The following KBTBD2 variants were observed in gnomAD, a reference collection of about 807,000 sequenced individuals.
KBTBD2 encodes the protein kelch repeat and BTB domain-containing protein 2.
Under a neutral mutation model 57.1 loss-of-function variants are expected in KBTBD2, and 17 were observed. The observed-to-expected ratio is 0.30, with a 90% CI of 0.20 to 0.45. KBTBD2 has a LOEUF of 0.45. Ranked by LOEUF, KBTBD2 falls within the 20% of genes least tolerant of loss-of-function variation. The pLI is 1.00. For missense variants in KBTBD2, 515 were observed against 750.6 expected, an observed-to-expected ratio of 0.69 and a Z score of 3.67; for synonymous variants, 267 against 262.7, an observed-to-expected ratio of 1.02 and a Z score of -0.16.
At chr7:32,873,427 A>G in intron 3 of KBTBD2, among the ~76,000 whole-genome samples, 1 of 152,118 alleles carries the variant, frequency 6.6e-6, no homozygotes, top group East Asian at 1.9e-4. Context: ...AATTCAATAA[A>G]CACTGTTAAA....
At chr7:32,876,083 T>C (rs1261021083) in intron 2 of KBTBD2, among the ~76,000 whole-genome samples, 1 of 152,178 alleles carries the variant, frequency 6.6e-6, no homozygotes, top group East Asian at 1.9e-4. Context: ...TCTCTAAAAA[T>C]ATGCAGGACA....
intron 1 of KBTBD2, chr7:32,891,295 G>A (rs1784732453): frequency 6.7e-6 from 1 of 148,600 alleles, no homozygotes; most frequent in Non-Finnish European, 1.5e-5. Flanking sequence ...CTTCCCCGCG[G>A]ACCTGCCCGG....
chr7:32,876,694 A>G (rs7790260), intron 2 of KBTBD2, among the ~76,000 whole-genome samples: 148,681 of 152,242 alleles, frequency 0.98, 72,711 homozygotes, highest in East Asian at 1. Flanking sequence ...GGTGGCTCAC[A>G]CTTGTAATCC....
chr7:32,891,200 A>G (rs1314681824), intron 1 of KBTBD2: 1 of 150,978 alleles, frequency 6.6e-6, no homozygotes, highest in East Asian at 1.9e-4. Context: ...AGCCGAGGCC[A>G]AGGCGCCGCC....
intron 1 of KBTBD2, among the ~76,000 whole-genome samples, chr7:32,880,562 A>AC (rs1784421648): frequency 1.3e-5 from 2 of 151,536 alleles, no homozygotes; most frequent in African/African-American, 4.8e-5. Flanking sequence ...AAAAAAAAAA[A>AC]CATAAAATGT....
intron 1 of KBTBD2, among the ~76,000 whole-genome samples, chr7:32,888,153 T>C (rs957357099): frequency 6.6e-6 from 1 of 152,248 alleles, no homozygotes; most frequent in Admixed American, 6.5e-5. Flanking sequence ...TGGGACTTTT[T>C]TGCAAACATT....
intron 2 of KBTBD2, among the ~76,000 whole-genome samples, chr7:32,877,880 G>A (rs752091593): frequency 4.0e-5 from 6 of 151,162 alleles, no homozygotes; most frequent in African/African-American, 1.2e-4. Context: ...AGGCCGAGGC[G>A]GGTGGATCAC....
At chr7:32,885,037 C>T (rs1245519927) in intron 1 of KBTBD2, among the ~76,000 whole-genome samples, 2 of 139,676 alleles carry the variant, frequency 1.4e-5, no homozygotes, top group South Asian at 2.2e-4. Context: ...TACACACACA[C>T]AAATTTTAAT....
In KBTBD2 at chr7:32,870,821, A is replaced by G. The variant is rs1784157180; in HGVS notation, c.396T>C (p.Asn132=). 1 of 1,603,036 alleles carries G rather than the reference A, an allele frequency of 6.2e-7. No homozygotes were observed. Among genetic ancestry groups the G allele is most frequent in the African/African-American group, 1.3e-5 (1 of 74,286 alleles). The part of the protein sequence containing the change: ...EYLIKKINAE[N]CVRLLSFADL... ...CAGCAAAACTCAACAATCGTACACA[A>G]TTCTCTGCATTTATTTTTTTAATTA... The change falls in exon 4 of 4, where the codon AAT becomes AAC. Residue 132 remains asparagine (N), a synonymous_variant. Coordinates refer to ENST00000304056, the MANE Select transcript of KBTBD2 (RefSeq NM_015483.3).
intron 1 of KBTBD2, among the ~76,000 whole-genome samples, chr7:32,886,662 G>C (rs1784589385): frequency 1.3e-5 from 2 of 152,158 alleles, no homozygotes. Context: ...ACAAATTTAA[G>C]TTGGTTGTCT....
At chr7:32,881,273 C>T (rs1272835446) in intron 1 of KBTBD2, among the ~76,000 whole-genome samples, 1 of 151,392 alleles carries the variant, frequency 6.6e-6, no homozygotes, top group Non-Finnish European at 1.5e-5. Flanking sequence ...AACCAAAATT[C>T]CAGCTGAATA....
At chr7:32,889,015 A>C (rs1158915693) in intron 1 of KBTBD2, among the ~76,000 whole-genome samples, 2 of 152,192 alleles carry the variant, frequency 1.3e-5, no homozygotes, top group Non-Finnish European at 2.9e-5. Context: ...GTGACTTAAG[A>C]AAGCTGGGGA....
At position 32,874,733 on chromosome 7, in the gene KBTBD2, C is replaced by T. The variant is rs142089592; in HGVS notation, c.336+259G>A. 282 of 307,956 alleles carry T rather than the reference C, an allele frequency of 9.2e-4. 1 individual carries two copies. The highest frequency in any genetic ancestry group is 5.1e-3 in the African/African-American group (240 of 46,626). 19.1% of individuals were successfully genotyped at this position (307,956 alleles called of 1,614,324 possible). A position where few individuals can be genotyped will look rare whatever the true frequency, so the allele number is the denominator to read the frequency against. On this transcript the variant is annotated intron_variant, in intron 3 of 3. Coordinates refer to ENST00000304056, the MANE Select transcript of KBTBD2 (RefSeq NM_015483.3). Reference sequence around the variant, plus strand: ...TGTAGGCTGGACACAGTGGCTCACGCGTGTAATCCCAGCACTTTGGGAGGC... The same window carrying T: ...TGTAGGCTGGACACAGTGGCTCACGTGTGTAATCCCAGCACTTTGGGAGGC...
chr7:32,875,595 A>G (rs534414717), intron 2 of KBTBD2, among the ~76,000 whole-genome samples: 1 of 152,192 alleles, frequency 6.6e-6, no homozygotes, highest in East Asian at 1.9e-4. Flanking sequence ...AGGGAGACAG[A>G]TAAGAATAAA....
At chr7:32,885,046 ATTT>A (rs961676139) in intron 1 of KBTBD2, among the ~76,000 whole-genome samples, 1 of 142,068 alleles carries the variant, frequency 7.0e-6, no homozygotes, top group Non-Finnish European at 1.5e-5. Flanking sequence ...ACAAATTTTA[ATTT>A]TTTTTTTTAA....
At chr7:32,872,191 C>A (rs1306581125) in intron 3 of KBTBD2, among the ~76,000 whole-genome samples, 1 of 152,028 alleles carries the variant, frequency 6.6e-6, no homozygotes, top group Non-Finnish European at 1.5e-5. Flanking sequence ...GCATTCCAGC[C>A]TGGGCAACAG....
chr7:32,891,236 CCCGGTG>C (rs1283290918), intron 1 of KBTBD2: 1 of 150,186 alleles, frequency 6.7e-6, no homozygotes, highest in Non-Finnish European at 1.5e-5. Context: ...CGCCGAGGCG[CCCGGTG>C]CCGGGGCCGG....
chr7:32,886,984 T>C (rs1008418070), intron 1 of KBTBD2, among the ~76,000 whole-genome samples: 1 of 150,428 alleles, frequency 6.6e-6, no homozygotes, highest in Non-Finnish European at 1.5e-5. Context: ...TGAGGGGGGA[T>C]AGATGTCTAA....
chr7:32,881,947 A>G (rs1377278749), intron 1 of KBTBD2, among the ~76,000 whole-genome samples: 1 of 152,224 alleles, frequency 6.6e-6, no homozygotes, highest in Non-Finnish European at 1.5e-5. Context: ...AATCCTCTCA[A>G]GAAGTCTCAG....
Sources: gnomAD v4.1 joint callset for allele counts (sites outside exome capture counted in the v4.1 genomes callset) on GRCh38, gnomAD v4.1.1 for gene constraint, MANE v1.5 for transcripts, NCBI Gene and HGNC (gene_info 2026-07-23, HGNC 2026-07-21) for gene names.